VPS35L: variants seen among roughly 807,000 people sequenced by gnomAD.
VPS35L encodes the protein VPS35 endosomal protein-sorting factor-like.
In VPS35L, 83 loss-of-function variants were observed where a neutral mutation model predicts 133.0. The observed-to-expected ratio is 0.62, with a 90% confidence interval of 0.52 to 0.75. The LOEUF (loss-of-function observed/expected upper bound fraction) is 0.75. Among genes scored for constraint, VPS35L ranks in the 30% least tolerant of loss-of-function variants. The pLI, the probability that VPS35L is intolerant of heterozygous loss-of-function variation, is 0.00. For missense variants in VPS35L, 1,083 were observed against 1,206.8 expected (o/e 0.90, Z 1.52); for synonymous variants, 423 against 449.9 (o/e 0.94, Z 0.76).
chr16:19,603,177 A>G (rs146546016), intron 9 of VPS35L, among the ~76,000 whole-genome samples: 8 of 152,290 alleles, frequency 5.3e-5, no homozygotes, highest in African/African-American at 1.9e-4. Context: ...AAGTGCTTTT[A>G]GGACCCATCT....
intron 4 of VPS35L, among the ~76,000 whole-genome samples, chr16:19,574,233 C>T (rs935319676): frequency 6.6e-6 from 1 of 152,194 alleles, no homozygotes; most frequent in Non-Finnish European, 1.5e-5. Context: ...ATCAGGGTTC[C>T]GCCGCATTCT....
rs551866084 is a variant in VPS35L at position 19,695,254 on chromosome 16, C to T, written c.2646+3783C>T. ...CGTGTCTTCATACCGAGGCAATAGG[C>T]TGGGTTTAATCAGAGGTGGTCACTG... is the stretch of plus-strand genomic sequence containing the variant. On this transcript the variant is annotated intron_variant, in intron 29 of 30. Coordinates refer to ENST00000417362, the MANE Select transcript of VPS35L (RefSeq NM_020314.7). Among the ~76,000 whole-genome samples, 13 of 152,314 alleles carry T rather than the reference C, an allele frequency of 8.5e-5. No individual in the cohort carries two copies. The South Asian group carries it at 1.7e-3, about 19-fold the overall frequency.
intron 22 of VPS35L, among the ~76,000 whole-genome samples, chr16:19,643,197 C>CA (rs1407463862): frequency 3.3e-5 from 5 of 152,104 alleles, no homozygotes; most frequent in African/African-American, 9.7e-5. Context: ...TTACAAAAAT[C>CA]AAAGTGTCGA....
intron 28 of VPS35L, among the ~76,000 whole-genome samples, chr16:19,689,097 AGCGT>A (rs1204729210): frequency 7.3e-6 from 1 of 137,892 alleles, no homozygotes; most frequent in Non-Finnish European, 1.5e-5. Flanking sequence ...GGAGTGCAGG[AGCGT>A]GCCAGTAGCT....
rs1243155554 is a variant in VPS35L at position 19,694,862 on chromosome 16, C to T, written c.2646+3391C>T. Among the ~76,000 whole-genome samples the T allele has an allele frequency of 3.3e-5, 5 of 151,804 alleles. No homozygotes were observed. In the East Asian group the frequency reaches 7.8e-4, roughly 24 times the overall value. On this transcript the variant is annotated intron_variant, in intron 29 of 30. Coordinates refer to ENST00000417362, the MANE Select transcript of VPS35L (RefSeq NM_020314.7). The stretch of plus-strand genomic sequence containing the variant: ...CTCTACTAAAAATACAAAAATTAGC[C>T]GGGCGTGGTGGCACATGCCTGTAAT...
At chr16:19,580,879 G>A (rs551078071) in intron 6 of VPS35L, among the ~76,000 whole-genome samples, 40 of 152,114 alleles carry the variant, frequency 2.6e-4, no homozygotes, top group African/African-American at 9.6e-4. Context: ...TCTGAAATTG[G>A]GGTATATGTT....
rs376930432 is a variant in VPS35L at position 19,628,666 on chromosome 16, C to G, written c.1413C>G (p.Asn471Lys). The G allele has an allele frequency of 1.3e-6, 2 of 1,599,662 alleles. No individual in the cohort carries two copies. Among genetic ancestry groups the G allele is most frequent in the Non-Finnish European group, 1.7e-6 (2 of 1,170,100 alleles). Residue 471 changes from asparagine to lysine, a missense_variant, in exon 17 of 31, where the codon AAC becomes AAG. Asn to Lys is a moderately conservative substitution (Grantham distance 94, BLOSUM62 0). Coordinates refer to ENST00000417362, the MANE Select transcript of VPS35L (RefSeq NM_020314.7). ...KHLLFRSLGL[N>K]LALADPPESD... ...TTCTTTTTCGATCACTGGGATTAAA[C>G]TTGGCCTTGGCTGATCCTCCTGAGA...
At chr16:19,566,288 G>T (rs1464993282) in intron 2 of VPS35L, among the ~76,000 whole-genome samples, 1 of 152,148 alleles carries the variant, frequency 6.6e-6, no homozygotes, top group Non-Finnish European at 1.5e-5. Flanking sequence ...CTGAGGTCAG[G>T]AGTTCGACAC....
intron 9 of VPS35L, among the ~76,000 whole-genome samples, chr16:19,604,787 C>A (rs1156274943): frequency 6.6e-6 from 1 of 152,090 alleles, no homozygotes; most frequent in African/African-American, 2.4e-5. Flanking sequence ...AGCCCTTTGC[C>A]TTCAGGAATT....
chr16:19,586,689 G>A (rs901297272), intron 7 of VPS35L, among the ~76,000 whole-genome samples: 3 of 152,098 alleles, frequency 2.0e-5, no homozygotes, highest in African/African-American at 7.2e-5. Flanking sequence ...TTTAGCTTAT[G>A]CTTTTGTAGT....
chr16:19,673,671 T>C (rs1167741677), intron 27 of VPS35L, among the ~76,000 whole-genome samples: 1 of 152,200 alleles, frequency 6.6e-6, no homozygotes, highest in African/African-American at 2.4e-5. Context: ...AGTAATGATA[T>C]GAGACAAAGA....
At chr16:19,581,780 A>G in intron 7 of VPS35L, 127 bp downstream of exon 7, 1 of 1,112,510 alleles carries the variant, frequency 9.0e-7, no homozygotes, top group South Asian at 1.5e-5. Flanking sequence ...TCTTTTTCAT[A>G]TACTTCCTGT....
intron 1 of VPS35L, among the ~76,000 whole-genome samples, chr16:19,561,822 T>C (rs1365552559): frequency 6.6e-6 from 1 of 152,126 alleles, no homozygotes; most frequent in Non-Finnish European, 1.5e-5. Flanking sequence ...AGAAAAACTA[T>C]TGGCTGGGCT....
chr16:19,593,075 C>T lies in VPS35L; in HGVS notation c.724+1201C>T, dbSNP rs73533721. On this transcript the variant is annotated intron_variant, in intron 8 of 30. Coordinates refer to ENST00000417362, the MANE Select transcript of VPS35L (RefSeq NM_020314.7). ...TGGCTGCCCCTAGTCCCACACACCA[C>T]CTCACAGGTAGAGAGACCTTTTGGA... Among the ~76,000 whole-genome samples the T allele has an allele frequency of 4.9e-3, 747 of 152,296 alleles. 8 individuals are homozygous for T. Among genetic ancestry groups the T allele is most frequent in the African/African-American group, 0.018 (728 of 41,566 alleles).
intron 1 of VPS35L, among the ~76,000 whole-genome samples, chr16:19,559,515 A>C (rs1163235896): frequency 6.6e-6 from 1 of 152,190 alleles, no homozygotes; most frequent in East Asian, 1.9e-4. Flanking sequence ...GATTTTTGAG[A>C]AAATGCCCAC....
intron 26 of VPS35L, among the ~76,000 whole-genome samples, chr16:19,660,813 A>G (rs2151596055): frequency 6.6e-6 from 1 of 152,230 alleles, no homozygotes. Context: ...TTCACTATAA[A>G]AATTCAGAAT....
intron 13 of VPS35L, 49 bp from the exon 14 acceptor site, chr16:19,616,637 T>A: frequency 6.3e-7 from 1 of 1,594,330 alleles, no homozygotes; most frequent in South Asian, 1.1e-5. Flanking sequence ...TTTTGTTTGT[T>A]GTTTGGTTTT....
Position 19,627,823 on chromosome 16 carries a change from T to C in VPS35L, c.1383+18T>C. ...TCCCCAAGGTAGGCTCTTGACTTCA[T>C]GCTCAGTAGGACACAAATAAGCGGT... On this transcript the variant is annotated intron_variant, in intron 16 of 30. Transcript: ENST00000417362. 1 of 1,558,694 alleles carries C rather than the reference T, an allele frequency of 6.4e-7. No homozygotes were observed. Among genetic ancestry groups the C allele is most frequent in the Non-Finnish European group, 8.9e-7 (1 of 1,129,668 alleles).
At chr16:19,672,453 A>G (rs1472527668) in intron 27 of VPS35L, among the ~76,000 whole-genome samples, 1 of 152,206 alleles carries the variant, frequency 6.6e-6, no homozygotes, top group Non-Finnish European at 1.5e-5. Flanking sequence ...ACAATCACTG[A>G]ATTGTACATT....
Sources: gnomAD v4.1 joint callset for allele counts (sites outside exome capture counted in the v4.1 genomes callset) on GRCh38, gnomAD v4.1.1 for gene constraint, MANE v1.5 for transcripts, NCBI Gene and HGNC (gene_info 2026-07-23, HGNC 2026-07-21) for gene names.